ESRRB: variants seen among roughly 807,000 people sequenced by gnomAD.
ESRRB encodes steroid hormone receptor ERR2.
A neutral mutation model predicts 46.0 loss-of-function variants in ESRRB; 16 were observed. The observed-to-expected ratio is 0.35, with a 90% CI of 0.24 to 0.53. ESRRB has a LOEUF of 0.53. Among genes scored for constraint, ESRRB ranks in the 20% least tolerant of loss-of-function variants. The probability of loss-of-function intolerance (pLI) is 0.93; values close to 1 mark genes in which losing one functional copy is unlikely to be tolerated. For synonymous variants in ESRRB, 246 were observed against 259.6 expected (o/e 0.95, Z 0.50); for missense variants, 488 against 607.4 (o/e 0.80, Z 2.07).
In ESRRB at chr14:76,500,327, C is replaced by G. The variant is rs1890615963; in HGVS notation, c.*1869C>G. 1 of 588,212 alleles carries G rather than the reference C, an allele frequency of 1.7e-6. No homozygotes were observed. Among genetic ancestry groups the G allele is most frequent in the East Asian group, 2.8e-5 (1 of 35,618 alleles). The allele number at this position is 588,212 out of a possible 1,614,324, so 36.4% of individuals were successfully genotyped here. A position where few individuals can be genotyped will look rare whatever the true frequency, so the allele number is the denominator to read the frequency against. ...CCTGTGGGGAATCGGGTCTGAGTCA[C>G]TTGATGAGTAGGCACTGGAGCCGTT... On this transcript the variant is annotated 3_prime_UTR_variant, in exon 7 of 7. Coordinates refer to ENST00000644823, the MANE Select transcript of ESRRB (RefSeq NM_001379180.1).
chr14:76,317,323 T>A (rs1883813764), intron 1 of ESRRB, among the ~76,000 whole-genome samples: 1 of 146,560 alleles, frequency 6.8e-6, no homozygotes, highest in African/African-American at 2.5e-5. Flanking sequence ...TGTGTGTGTG[T>A]GTGTGTGTGT....
intron 1 of ESRRB, among the ~76,000 whole-genome samples, chr14:76,345,379 T>C (rs899078956): frequency 6.6e-6 from 1 of 151,942 alleles, no homozygotes; most frequent in Non-Finnish European, 1.5e-5. Flanking sequence ...AAAAGTGGGC[T>C]AAGGACATGA....
chr14:76,402,583 C>T (rs912407187), intron 1 of ESRRB, among the ~76,000 whole-genome samples: 5 of 152,212 alleles, frequency 3.3e-5, no homozygotes, highest in South Asian at 2.1e-4. Flanking sequence ...TGCAAGAAAG[C>T]GGTCTGTCCA....
At chr14:76,314,128 G>GA (rs148714720) in intron 1 of ESRRB, among the ~76,000 whole-genome samples, 3,547 of 150,280 alleles carry the variant, frequency 0.024, 127 homozygotes, top group African/African-American at 0.081. Flanking sequence ...GGGCTGTTGG[G>GA]AAAAAAAAAA....
intron 1 of ESRRB, among the ~76,000 whole-genome samples, chr14:76,412,044 C>T (rs916003360): frequency 1.3e-5 from 2 of 152,128 alleles, no homozygotes; most frequent in Admixed American, 1.3e-4. Flanking sequence ...TCTTCTTTAT[C>T]CTTGTTGTGA....
At chr14:76,488,795 C>T (rs1240969528) in intron 5 of ESRRB, among the ~76,000 whole-genome samples, 1 of 152,150 alleles carries the variant, frequency 6.6e-6, no homozygotes, top group African/African-American at 2.4e-5. Flanking sequence ...ACAAAGCCTC[C>T]CCAGACTCTT....
At position 76,498,517 on chromosome 14, in the gene ESRRB, G is replaced by C; in HGVS notation, c.*59G>C. On this transcript the variant is annotated 3_prime_UTR_variant, in exon 7 of 7. Transcript: ENST00000644823. ...ACAGACAAACGGACAGACCGAGGTG[G>C]AGACCTCCACAGCCACCAGCCTCCA... 6.2e-7 allele frequency: 1 copy of C among 1,611,874 alleles called. No individual in the cohort carries two copies. The highest frequency in any genetic ancestry group is 8.5e-7 in the Non-Finnish European group (1 of 1,179,712).
chr14:76,475,918 C>G (rs1227505286), intron 3 of ESRRB, among the ~76,000 whole-genome samples: 2 of 152,174 alleles, frequency 1.3e-5, no homozygotes, highest in East Asian at 1.9e-4. Flanking sequence ...AGAAATAATA[C>G]AGAGAGATGC....
At position 76,429,674 on chromosome 14, in the gene ESRRB, C is replaced by T. The variant is rs141417615; in HGVS notation, c.51-9667C>T. 9.1e-3 allele frequency among the ~76,000 whole-genome samples: 1,389 copies of T among 152,142 alleles called. 12 individuals are homozygous for T. Among genetic ancestry groups the T allele is most frequent in the Middle Eastern group, 0.017 (5 of 294 alleles). On this transcript the variant is annotated intron_variant, in intron 1 of 6. Coordinates refer to ENST00000644823, the MANE Select transcript of ESRRB (RefSeq NM_001379180.1). ...CTGAGGCAAGAGAATCGCTTGAACC[C>T]GGGAGGTAGTGGTTGTGGTGAGCCG... is the stretch of plus-strand genomic sequence containing the variant.
intron 3 of ESRRB, among the ~76,000 whole-genome samples, chr14:76,469,820 A>T (rs182260084): frequency 6.6e-6 from 1 of 151,446 alleles, no homozygotes; most frequent in African/African-American, 2.4e-5. Flanking sequence ...TTCTTGTCCC[A>T]TTCACCCCTT....
chr14:76,339,567 C>A (rs563627752), intron 1 of ESRRB, among the ~76,000 whole-genome samples: 1 of 152,224 alleles, frequency 6.6e-6, no homozygotes, highest in East Asian at 1.9e-4. Flanking sequence ...CATGTCCAGA[C>A]AGGCCCCTGT....
intron 1 of ESRRB, among the ~76,000 whole-genome samples, chr14:76,366,217 A>C (rs918202751): frequency 2.6e-5 from 4 of 152,210 alleles, no homozygotes; most frequent in African/African-American, 7.2e-5. Flanking sequence ...TGGGGTGGGA[A>C]AGAGAAACTC....
intron 1 of ESRRB, among the ~76,000 whole-genome samples, chr14:76,400,631 G>A (rs572907712): frequency 3.3e-5 from 5 of 152,180 alleles, no homozygotes; most frequent in Non-Finnish European, 5.9e-5. Flanking sequence ...AACGGGAGTG[G>A]GAATTATCTT....
chr14:76,332,679 T>TAA (rs1566853212), intron 1 of ESRRB, among the ~76,000 whole-genome samples: 3 of 32,428 alleles, frequency 9.3e-5, no homozygotes, highest in African/African-American at 1.2e-4. Flanking sequence ...TATTTATATA[T>TAA]TATATATTTA....
chr14:76,473,519 AG>A (rs1889453356), intron 3 of ESRRB, among the ~76,000 whole-genome samples: 1 of 152,230 alleles, frequency 6.6e-6, no homozygotes, highest in Non-Finnish European at 1.5e-5. Flanking sequence ...GGACAGGCTT[AG>A]GGCCAGGTGC....
At chr14:76,474,435 T>C (rs1889493388) in intron 3 of ESRRB, among the ~76,000 whole-genome samples, 1 of 152,284 alleles carries the variant, frequency 6.6e-6, no homozygotes, top group Admixed American at 6.5e-5. Flanking sequence ...TACAGTTTGA[T>C]AGCGTTTTGT....
At chr14:76,323,927 G>A (rs1883897579) in intron 1 of ESRRB, among the ~76,000 whole-genome samples, 1 of 152,176 alleles carries the variant, frequency 6.6e-6, no homozygotes, top group African/African-American at 2.4e-5. Context: ...TTCATCTGAC[G>A]AAGGCATGTA....
At chr14:76,412,387 C>G (rs558016675) in intron 1 of ESRRB, among the ~76,000 whole-genome samples, 3 of 152,220 alleles carry the variant, frequency 2.0e-5, no homozygotes, top group Non-Finnish European at 4.4e-5. Flanking sequence ...AACAACCTGG[C>G]TGATGTGGTT....
intron 2 of ESRRB, among the ~76,000 whole-genome samples, chr14:76,450,479 T>G (rs1888340147): frequency 6.6e-6 from 1 of 152,136 alleles, no homozygotes. Flanking sequence ...CCTCCTTGAG[T>G]TCCCAGGGTA....
Sources: allele counts gnomAD v4.1 joint callset (sites outside exome capture counted in the v4.1 genomes callset), GRCh38; gene constraint gnomAD v4.1.1; transcripts MANE v1.5; gene names NCBI Gene and HGNC (gene_info 2026-07-23, HGNC 2026-07-21).